Variants in DCAF6 observed in about 807,000 individuals in gnomAD.
DCAF6 encodes the protein DDB1 and CUL4 associated factor 6, also known as DDB1- and CUL4-associated factor 6.
A neutral mutation model predicts 125.1 loss-of-function variants in DCAF6; 54 were observed. The observed-to-expected ratio is 0.43, with a 90% CI of 0.35 to 0.54. DCAF6 has a LOEUF of 0.54. Among genes scored for constraint, DCAF6 ranks in the 20% least tolerant of loss-of-function variants. DCAF6 has a pLI of 0.01. For synonymous variants in DCAF6, 371 were observed against 390.4 expected, an observed-to-expected ratio of 0.95 and a Z score of 0.58; for missense variants, 934 against 1,161.7, an observed-to-expected ratio of 0.80 and a Z score of 2.85.
the DCAF6 span, among the ~76,000 whole-genome samples, chr1:167,891,143 G>C: frequency 6.6e-6 from 1 of 151,844 alleles, no homozygotes; most frequent in African/African-American, 2.4e-5. Context: ...TGTATTTTTA[G>C]TAGAGACAAG....
rs1690665224 is a variant in DCAF6 at position 168,055,891 on chromosome 1, AGT to A, written c.2300+4959_2300+4960del. On this transcript the variant is annotated intron_variant, in intron 17 of 21. Coordinates refer to ENST00000367840, the MANE Select transcript of DCAF6 (RefSeq NM_001198956.2). ...GTTATTTCATACTAGTTTATTTAGG[AGT>A]TCCATTTTCACTCCTCAATAGATTT... 8.3e-6 allele frequency: 12 copies of A among 1,450,992 alleles called. No individual in the cohort carries two copies. The African/African-American group carries it at 1.4e-4, about 17-fold the overall frequency. The allele number at this position is 1,450,992 out of a possible 1,614,324, so 89.9% of individuals were successfully genotyped here.
intron 12 of DCAF6, among the ~76,000 whole-genome samples, chr1:168,025,092 AT>A (rs967776449): frequency 6.6e-6 from 1 of 151,980 alleles, no homozygotes; most frequent in African/African-American, 2.4e-5. Context: ...TAATTAAAGG[AT>A]TTTTTTTCTA....
At chr1:167,964,474 TTTC>T (rs1191884258) in intron 2 of DCAF6, among the ~76,000 whole-genome samples, 3 of 152,214 alleles carry the variant, frequency 2.0e-5, no homozygotes, top group Non-Finnish European at 4.4e-5. Context: ...TTCAGGATTT[TTTC>T]TTATCTTTGA....
the DCAF6 span, among the ~76,000 whole-genome samples, chr1:167,887,716 T>A: frequency 6.6e-6 from 1 of 150,586 alleles, no homozygotes; most frequent in Non-Finnish European, 1.5e-5. Context: ...TAAATAAATA[T>A]AAAAATAAAA....
chr1:168,072,294 T>TGAAAAAAAAAA (rs1693164135), intron 21 of DCAF6, among the ~76,000 whole-genome samples: 1 of 41,016 alleles, frequency 2.4e-5, no homozygotes, highest in Admixed American at 4.8e-4. Context: ...AGAATCAGTC[T>TGAAAAAAAAAA]AAAAAAAAAA....
At chr1:167,996,640 G>A (rs777529905) in intron 7 of DCAF6, among the ~76,000 whole-genome samples, 1 of 152,168 alleles carries the variant, frequency 6.6e-6, no homozygotes, top group Non-Finnish European at 1.5e-5. Flanking sequence ...CGGACCTAAA[G>A]CAAAACTGAA....
chr1:168,073,613 C>G (rs1001218844), intron 21 of DCAF6, among the ~76,000 whole-genome samples: 2 of 152,044 alleles, frequency 1.3e-5, no homozygotes, highest in Admixed American at 6.6e-5. Context: ...TCTCTATTAT[C>G]CCATCTTCTT....
At chr1:167,894,151 C>T in the DCAF6 span, among the ~76,000 whole-genome samples, 1 of 152,154 alleles carries the variant, frequency 6.6e-6, no homozygotes, top group Non-Finnish European at 1.5e-5. Flanking sequence ...AAAATTCAGT[C>T]ACATGTAGCT....
At chr1:167,955,445 T>G (rs1571649317) in intron 2 of DCAF6, among the ~76,000 whole-genome samples, 1 of 146,318 alleles carries the variant, frequency 6.8e-6, no homozygotes, top group East Asian at 2.0e-4. Flanking sequence ...TGTGGTCAGT[T>G]TTTTTTTTTT....
chr1:167,992,507 A>T (rs890743161), intron 6 of DCAF6, among the ~76,000 whole-genome samples: 2 of 152,198 alleles, frequency 1.3e-5, no homozygotes, highest in Non-Finnish European at 2.9e-5. Flanking sequence ...GGATATGTAC[A>T]TTTAGGGGAA....
chr1:167,920,603 A>C, the DCAF6 span: 1 of 1,614,006 alleles, frequency 6.2e-7, no homozygotes, highest in Non-Finnish European at 8.5e-7. Context: ...AGGTCTGGCC[A>C]TATCAGCCAA....
chr1:167,890,850 T>C, the DCAF6 span, among the ~76,000 whole-genome samples: 1 of 152,202 alleles, frequency 6.6e-6, no homozygotes, highest in East Asian at 1.9e-4. Context: ...TTTTACCGAT[T>C]AGATAACTGA....
the DCAF6 span, among the ~76,000 whole-genome samples, chr1:167,867,533 G>A: frequency 6.6e-6 from 1 of 152,136 alleles, no homozygotes; most frequent in African/African-American, 2.4e-5. Context: ...TTTGTATAAT[G>A]CTATTCTATC....
At chr1:168,055,571 C>T (rs1302294017) in intron 17 of DCAF6, among the ~76,000 whole-genome samples, 3 of 84,576 alleles carry the variant, frequency 3.5e-5, no homozygotes, top group East Asian at 2.3e-4. Context: ...ATGCAAGTTA[C>T]AATATTATAT....
chr1:167,916,933 T>G, the DCAF6 span: 1 of 152,238 alleles, frequency 6.6e-6, no homozygotes, highest in African/African-American at 2.4e-5. Context: ...CTCTAATCTT[T>G]TCTCCTCAAT....
chr1:168,031,983 A>G (rs1348148666), intron 12 of DCAF6, among the ~76,000 whole-genome samples: 3 of 151,728 alleles, frequency 2.0e-5, no homozygotes, highest in African/African-American at 7.3e-5. Context: ...GGAATGTGGA[A>G]CCAAGCACAG....
Position 168,043,149 on chromosome 1 carries a change from T to G in DCAF6, c.1843+9T>G. The stretch of plus-strand genomic sequence containing the variant: ...AGGAGACAGTGAAACAAGTAAGGTG[T>G]TATTTTGCTTTTGTTGTTATAAAAT... On this transcript the variant is annotated intron_variant, in intron 14 of 21. Transcript: ENST00000367840. The G allele has an allele frequency of 1.3e-6, 2 of 1,598,636 alleles. No individual in the cohort carries two copies. Among genetic ancestry groups the G allele is most frequent in the Non-Finnish European group, 1.7e-6 (2 of 1,167,392 alleles).
chr1:168,024,461 A>G (rs1686076854), intron 12 of DCAF6, among the ~76,000 whole-genome samples: 1 of 152,132 alleles, frequency 6.6e-6, no homozygotes, highest in Non-Finnish European at 1.5e-5. Context: ...ATATTCAGAA[A>G]CTAATTTTAA....
At chr1:167,902,151 A>G in the DCAF6 span, 1 of 1,199,764 alleles carries the variant, frequency 8.3e-7, no homozygotes, top group Non-Finnish European at 1.2e-6. Flanking sequence ...AGGTCAAAAG[A>G]ACAGTGATTC....
Sources: allele counts gnomAD v4.1 joint callset (sites outside exome capture counted in the v4.1 genomes callset), GRCh38; gene constraint gnomAD v4.1.1; transcripts MANE v1.5; gene names NCBI Gene and HGNC (gene_info 2026-07-23, HGNC 2026-07-21).